Variants in RTL4 observed in about 807,000 individuals in gnomAD.
RTL4 encodes retrotransposon Gag-like protein 4.
Under a neutral mutation model 5.3 loss-of-function variants are expected in RTL4, and 4 were observed. The observed-to-expected ratio is 0.75, with a 90% CI of 0.37 to 1.72. RTL4 has a LOEUF of 1.72. Among genes scored for constraint, RTL4 ranks in the 40% most tolerant of loss-of-function variants. RTL4 has a pLI of 0.04. For missense variants in RTL4, 260 were observed against 227.1 expected, an observed-to-expected ratio of 1.14 and a Z score of -0.93; for synonymous variants, 98 against 87.3, an observed-to-expected ratio of 1.12 and a Z score of -0.68.
At chrX:112,137,601 C>G in the RTL4 span, among the ~76,000 whole-genome samples, 2 of 111,831 alleles carry the variant, frequency 1.8e-5, no homozygotes, top group Non-Finnish European at 3.8e-5. Context: ...TCTTTCTCCA[C>G]ACATGGAGAT....
At chrX:112,361,572 G>C in the RTL4 span, among the ~76,000 whole-genome samples, 1 of 110,875 alleles carries the variant, frequency 9.0e-6, no homozygotes, top group Non-Finnish European at 1.9e-5. Context: ...GTGACCCAAT[G>C]GATTTTATGG....
exon 1 of RTL4, chrX:112,455,120 A>G: frequency 8.3e-7 from 1 of 1,211,822 alleles, no homozygotes; most frequent in Non-Finnish European, 1.1e-6. Flanking sequence ...CTTATTCTTG[A>G]GTTCCAGCAG....
the RTL4 span, among the ~76,000 whole-genome samples, chrX:112,243,034 A>C: frequency 9.0e-6 from 1 of 111,522 alleles, no homozygotes; most frequent in African/African-American, 3.3e-5. Context: ...CATCCCAGGG[A>C]TGAAGCCACC....
the RTL4 span, among the ~76,000 whole-genome samples, chrX:112,440,371 G>T: frequency 2.7e-5 from 3 of 111,461 alleles, no homozygotes; most frequent in South Asian, 3.8e-4. Flanking sequence ...TCTGAGGCCT[G>T]GTGGCAGGTC....
the RTL4 span, among the ~76,000 whole-genome samples, chrX:112,355,848 T>G: frequency 1.8e-5 from 2 of 111,738 alleles, no homozygotes; most frequent in African/African-American, 6.5e-5. Flanking sequence ...TCATGAGCAT[T>G]TTGGTCTGCT....
At chrX:112,090,414 T>A in the RTL4 span, among the ~76,000 whole-genome samples, 1 of 111,408 alleles carries the variant, frequency 9.0e-6, no homozygotes, top group South Asian at 3.7e-4. Context: ...TTGAAGGAGT[T>A]GCTTTCGGTT....
At chrX:112,424,522 A>G in the RTL4 span, among the ~76,000 whole-genome samples, 13,145 of 110,884 alleles carry the variant, frequency 0.12, 1,078 homozygotes, top group African/African-American at 0.3. Flanking sequence ...TACCCAAGAC[A>G]TGAATCTTTC....
chrX:112,296,839 G>C, the RTL4 span, among the ~76,000 whole-genome samples: 3 of 106,680 alleles, frequency 2.8e-5, no homozygotes, highest in Non-Finnish European at 3.9e-5. Flanking sequence ...GGATGGTCTC[G>C]ATCTCCTGAC....
chrX:112,194,294 G>C, the RTL4 span, among the ~76,000 whole-genome samples: 1 of 111,789 alleles, frequency 8.9e-6, no homozygotes, highest in East Asian at 2.8e-4. Flanking sequence ...CAATGTGATA[G>C]TATTTAGAAA....
the RTL4 span, among the ~76,000 whole-genome samples, chrX:112,152,678 A>G: frequency 8.9e-6 from 1 of 112,279 alleles, no homozygotes; most frequent in African/African-American, 3.2e-5. Context: ...TGCCTGCTTC[A>G]TGTCCTATAA....
chrX:112,277,203 G>C, the RTL4 span, among the ~76,000 whole-genome samples: 1 of 111,260 alleles, frequency 9.0e-6, no homozygotes, highest in African/African-American at 3.3e-5. Flanking sequence ...GTAAATCTAT[G>C]CATACTGAAG....
chrX:112,115,942 T>G, the RTL4 span, among the ~76,000 whole-genome samples: 1 of 111,747 alleles, frequency 8.9e-6, no homozygotes, highest in African/African-American at 3.3e-5. Flanking sequence ...GGCTGCAGGG[T>G]CAACCATCTT....
chrX:112,331,823 C>A, the RTL4 span, among the ~76,000 whole-genome samples: 2 of 92,192 alleles, frequency 2.2e-5, no homozygotes, highest in African/African-American at 8.4e-5. Flanking sequence ...GAATACTATG[C>A]AGCCATAAAA....
the RTL4 span, among the ~76,000 whole-genome samples, chrX:112,161,844 C>CTTTCTTTCTTTCTTT: frequency 5.9e-3 from 237 of 40,009 alleles, 4 homozygotes; most frequent in South Asian, 0.017. Flanking sequence ...TTCCTTCCTT[C>CTTTCTTTCTTTCTTT]CTTTCTTTCT....
chrX:112,415,470 A>C, the RTL4 span, among the ~76,000 whole-genome samples: 1 of 111,302 alleles, frequency 9.0e-6, no homozygotes. Flanking sequence ...TGGATATATG[A>C]CATTTTTTTT....
At chrX:112,306,372 A>T in the RTL4 span, among the ~76,000 whole-genome samples, 1 of 111,864 alleles carries the variant, frequency 8.9e-6, no homozygotes, top group Non-Finnish European at 1.9e-5. Flanking sequence ...ATGTACATGC[A>T]TGCAGGGCTC....
At chrX:112,433,049 C>T in the RTL4 span, among the ~76,000 whole-genome samples, 5 of 109,500 alleles carry the variant, frequency 4.6e-5, no homozygotes, top group Admixed American at 9.7e-5. Flanking sequence ...TGTAGATATG[C>T]GGCATTATTT....
At chrX:112,338,674 TA>T in the RTL4 span, among the ~76,000 whole-genome samples, 7 of 111,840 alleles carry the variant, frequency 6.3e-5, no homozygotes, top group South Asian at 2.6e-3. Context: ...TGAAGCATAT[TA>T]GTGATTGTGA....
the RTL4 span, among the ~76,000 whole-genome samples, chrX:112,419,620 T>TATTTAC: frequency 1.0e-5 from 1 of 100,424 alleles, no homozygotes; most frequent in Admixed American, 1.1e-4. Flanking sequence ...TGTATATATA[T>TATTTAC]ATATTTAAGT....
Sources: gnomAD v4.1 joint callset for allele counts (sites outside exome capture counted in the v4.1 genomes callset) on GRCh38, gnomAD v4.1.1 for gene constraint, MANE v1.5 for transcripts, NCBI Gene and HGNC (gene_info 2026-07-23, HGNC 2026-07-21) for gene names.